AGAP1: variants seen among roughly 807,000 people sequenced by gnomAD.
AGAP1 encodes arf-GAP with GTPase, ANK repeat and PH domain-containing protein 1.
In AGAP1, 29 loss-of-function variants were observed where a neutral mutation model predicts 105.3. The ratio of observed to expected loss-of-function variants is 0.28; its 90% CI spans 0.21 to 0.38. The LOEUF (loss-of-function observed/expected upper bound fraction) is 0.38. Among genes scored for constraint, AGAP1 ranks in the 10% least tolerant of loss-of-function variants. The pLI is 1.00. For synonymous variants in AGAP1, 509 were observed against 485.9 expected (o/e 1.05, Z -0.63); for missense variants, 998 against 1,165.1 (o/e 0.86, Z 2.09).
At position 235,972,969 on chromosome 2, in the gene AGAP1, C is replaced by A. The variant is rs74750059; in HGVS notation, c.1645+4346C>A. 1.8e-3 allele frequency among the ~76,000 whole-genome samples: 267 copies of A among 152,268 alleles called. 1 individual carries two copies. Among genetic ancestry groups the A allele is most frequent in the African/African-American group, 6.0e-3 (249 of 41,554 alleles). On this transcript the variant is annotated intron_variant, in intron 13 of 17. Coordinates refer to ENST00000304032, the MANE Select transcript of AGAP1 (RefSeq NM_001037131.3). ...CTTCCCCAGCTGTGTGCGACAAGGA[C>A]CCTGCGAGAAGGTCTTCCTAGACTC...
chr2:235,494,711 A>G lies in AGAP1; in HGVS notation c.25A>G (p.Asn9Asp). 1 of 1,549,912 alleles carries G rather than the reference A, an allele frequency of 6.5e-7. No individual in the cohort carries two copies. Among genetic ancestry groups the G allele is most frequent in the Non-Finnish European group, 8.7e-7 (1 of 1,147,704 alleles). The change falls in exon 1 of 18, where the codon AAC becomes GAC. Residue 9 changes from asparagine (N) to aspartate (D), a missense_variant. Asn to Asp is a conservative substitution (Grantham distance 23). Transcript: ENST00000304032. MNYQQQLA[N>D]SAAIRAEIQR... ...CATGAACTACCAGCAGCAGCTGGCC[A>G]ACTCGGCTGCCATCCGGGCCGAGAT...
chr2:236,091,591 G>A (rs552519878), intron 16 of AGAP1, among the ~76,000 whole-genome samples: 1 of 152,242 alleles, frequency 6.6e-6, no homozygotes. Flanking sequence ...GGGCAACATA[G>A]CAAGATTCCG....
At chr2:235,878,528 G>T (rs2049857463) in intron 9 of AGAP1, among the ~76,000 whole-genome samples, 1 of 152,118 alleles carries the variant, frequency 6.6e-6, no homozygotes, top group Non-Finnish European at 1.5e-5. Context: ...CCCGTTCCTG[G>T]AATTTGCTAG....
At chr2:235,933,754 A>G (rs1003204734) in intron 12 of AGAP1, among the ~76,000 whole-genome samples, 2 of 151,490 alleles carry the variant, frequency 1.3e-5, no homozygotes, top group Non-Finnish European at 2.9e-5. Context: ...GATGGTCTCA[A>G]TCTCTTGACC....
rs571557334 is a variant in AGAP1, at chr2:235,749,547, C to T, written c.539-807C>T. 2.2e-4 allele frequency among the ~76,000 whole-genome samples: 33 copies of T among 152,184 alleles called. No individual in the cohort carries two copies. In the South Asian group the frequency reaches 6.9e-3, roughly 32 times the overall value. On this transcript the variant is annotated intron_variant, in intron 5 of 17. Transcript: ENST00000304032. ...TCAGGGGACTCGCTGCTCCCCTCTCCACACACCTCCCTCCCACCCCTCTAG... is the reference window on the plus strand; with the variant it reads ...TCAGGGGACTCGCTGCTCCCCTCTCTACACACCTCCCTCCCACCCCTCTAG...
At chr2:235,773,618 C>G (rs1022702356) in intron 6 of AGAP1, among the ~76,000 whole-genome samples, 2 of 152,126 alleles carry the variant, frequency 1.3e-5, no homozygotes. Context: ...GGTTCCCTGC[C>G]CCCATACTCT....
intron 13 of AGAP1, among the ~76,000 whole-genome samples, chr2:235,978,479 C>T (rs1258585123): frequency 6.6e-6 from 1 of 152,216 alleles, no homozygotes; most frequent in Admixed American, 6.5e-5. Context: ...TGTGCGCTAC[C>T]TCATTGCATC....
intron 1 of AGAP1, among the ~76,000 whole-genome samples, chr2:235,538,340 A>T (rs1439207032): frequency 6.6e-6 from 1 of 152,030 alleles, no homozygotes; most frequent in Non-Finnish European, 1.5e-5. Context: ...AGCATTATTC[A>T]ATCACAAAAT....
chr2:235,764,371 G>A (rs1954736909), intron 6 of AGAP1, among the ~76,000 whole-genome samples: 1 of 152,072 alleles, frequency 6.6e-6, no homozygotes, highest in Non-Finnish European at 1.5e-5. Flanking sequence ...CCTCCCCGTT[G>A]CCCATGTTTA....
At chr2:235,651,309 A>C (rs12470262) in intron 1 of AGAP1, among the ~76,000 whole-genome samples, 45,689 of 151,354 alleles carry the variant, frequency 0.3, 7,182 homozygotes, top group East Asian at 0.42. Flanking sequence ...AGGAAGTTCT[A>C]GTACCACTGA....
rs567806335 is a variant in AGAP1 at position 235,820,770 on chromosome 2, G to A, written c.1050+13439G>A. ...TAATGATTAGGCAATGAGGAACCAC[G>A]AGAAGCAGATAGCTCTGGTTGGGTG... On this transcript the variant is annotated intron_variant, in intron 9 of 17. Coordinates refer to ENST00000304032, the MANE Select transcript of AGAP1 (RefSeq NM_001037131.3). Among the ~76,000 whole-genome samples, 5 of 152,332 alleles carry A rather than the reference G, an allele frequency of 3.3e-5. No homozygotes were observed. The South Asian group carries it at 8.3e-4, about 25-fold the overall frequency.
chr2:235,895,410 T>G (rs940874427), intron 10 of AGAP1, among the ~76,000 whole-genome samples: 4 of 152,226 alleles, frequency 2.6e-5, no homozygotes, highest in Non-Finnish European at 5.9e-5. Context: ...TTTCTCATAC[T>G]TGCCATGTTA....
chr2:235,616,212 T>A (rs1333479122), intron 1 of AGAP1, among the ~76,000 whole-genome samples: 2 of 150,758 alleles, frequency 1.3e-5, no homozygotes, highest in Non-Finnish European at 3.0e-5. Flanking sequence ...AATACAGAAA[T>A]TAGCTGGGTG....
chr2:235,595,356 A>T (rs1322830483), intron 1 of AGAP1, among the ~76,000 whole-genome samples: 3 of 152,148 alleles, frequency 2.0e-5, no homozygotes, highest in African/African-American at 7.2e-5. Context: ...GACCAGAAGC[A>T]CATAGGTCCA....
At chr2:235,821,704 C>T (rs1175645572) in intron 9 of AGAP1, among the ~76,000 whole-genome samples, 1 of 152,002 alleles carries the variant, frequency 6.6e-6, no homozygotes, top group Non-Finnish European at 1.5e-5. Flanking sequence ...GTACTAGTAA[C>T]TTATCTATAG....
intron 1 of AGAP1, among the ~76,000 whole-genome samples, chr2:235,640,098 G>C (rs1575019991): frequency 6.6e-6 from 1 of 152,320 alleles, no homozygotes; most frequent in East Asian, 1.9e-4. Flanking sequence ...CACCAGCACT[G>C]TCTATCACTA....
intron 13 of AGAP1, among the ~76,000 whole-genome samples, chr2:236,030,040 T>C (rs933940222): frequency 1.3e-5 from 2 of 152,230 alleles, no homozygotes; most frequent in African/African-American, 4.8e-5. Flanking sequence ...ACCTGGCCTG[T>C]GTTTCACTCT....
In AGAP1 at chr2:235,875,174, C is replaced by A. The variant is rs1020293407; in HGVS notation, c.1051-8171C>A. On this transcript the variant is annotated intron_variant, in intron 9 of 17. Transcript: ENST00000304032. The surrounding 1 kb of genome is among the most constrained non-coding windows in gnomAD (Gnocchi z 4.0). The stretch of plus-strand genomic sequence containing the variant: ...TTTTATAAATGAGGTCACTTTTCAA[C>A]CTTACTGGTCCATGGCCCTGTCCTG... 9.9e-5 allele frequency among the ~76,000 whole-genome samples: 15 copies of A among 152,186 alleles called. No homozygotes were observed. The highest frequency in any genetic ancestry group is 3.6e-4 in the African/African-American group (15 of 41,448).
Position 236,124,086 on chromosome 2 carries a change from G to A in AGAP1, c.2538G>A (p.Arg846=). Residue 846 remains arginine (R), a synonymous_variant, in exon 18 of 18, where the codon CGG becomes CGA. Transcript: ENST00000304032. This position sits in a 1 kb window ranked among gnomAD's most constrained non-coding sequence, Gnocchi z 5.1. The part of the protein sequence containing the change: ...TPNLSRRNNN[R]NNSSGRVPTI... ...ACCTGTCCAGGAGAAACAATAACCG[G>A]AACAACAGCAGTGGGAGGGTGCCCA... is the stretch of plus-strand genomic sequence containing the variant. The A allele has an allele frequency of 4.3e-6, 7 of 1,614,090 alleles. No individual in the cohort carries two copies. Among genetic ancestry groups the A allele is most frequent in the Non-Finnish European group, 5.9e-6 (7 of 1,179,980 alleles).
Sources: gnomAD v4.1 joint callset for allele counts (sites outside exome capture counted in the v4.1 genomes callset) on GRCh38, gnomAD v4.1.1 for gene constraint, Gnocchi (gnomAD v3.1) non-coding constraint, MANE v1.5 for transcripts, NCBI Gene and HGNC (gene_info 2026-07-23, HGNC 2026-07-21) for gene names.